The following SIPA1L3 variants were observed in gnomAD, a reference collection of about 807,000 sequenced individuals.
SIPA1L3 encodes the protein signal induced proliferation associated 1 like 3.
A neutral mutation model predicts 150.1 loss-of-function variants in SIPA1L3; 59 were observed. That is an observed-to-expected ratio of 0.39 (90% CI 0.32 to 0.49). SIPA1L3 has a LOEUF of 0.49. Ranked by LOEUF, SIPA1L3 falls within the 20% of genes least tolerant of loss-of-function variation. The pLI, the probability that SIPA1L3 is intolerant of heterozygous loss-of-function variation, is 0.86. For synonymous variants in SIPA1L3, 1,070 were observed against 1,077.6 expected, an observed-to-expected ratio of 0.99 and a Z score of 0.14; for missense variants, 2,211 against 2,489.5, an observed-to-expected ratio of 0.89 and a Z score of 2.38.
Position 38,082,143 on chromosome 19 carries a change from C to T in SIPA1L3, c.578C>T (p.Thr193Met), listed in dbSNP as rs1970003240. The change falls in exon 3 of 22, where the codon ACG (threonine) becomes ATG (methionine). Residue 193 changes from threonine to methionine, a missense_variant. Around this residue, in one of 5 missense-constraint regions of SIPA1L3, gnomAD observed 587 missense variants for 534.5 expected, o/e 1.10. Coordinates refer to ENST00000222345, the MANE Select transcript of SIPA1L3 (RefSeq NM_015073.3). Reference sequence around the variant, plus strand: ...GGGGAGCCGCGGGGGGCCCGGCACACGGGGGCGCTGCCCCTCTTCCGCGAG... The same window carrying T: ...GGGGAGCCGCGGGGGGCCCGGCACATGGGGGCGCTGCCCCTCTTCCGCGAG... ...DAGEPRGARH[T>M]GALPLFREYG... 2.5e-6 allele frequency: 4 copies of T among 1,605,904 alleles called. No individual in the cohort carries two copies. The highest frequency in any genetic ancestry group is 1.1e-5 in the South Asian group (1 of 91,026).
intron 12 of SIPA1L3, among the ~76,000 whole-genome samples, chr19:38,148,917 T>C (rs1971760057): frequency 1.3e-5 from 2 of 152,210 alleles, no homozygotes; most frequent in Non-Finnish European, 2.9e-5. Context: ...GACAGCAATT[T>C]GATCTTCTCT....
At chr19:38,120,880 T>C (rs985540974) in intron 9 of SIPA1L3, among the ~76,000 whole-genome samples, 6 of 152,230 alleles carry the variant, frequency 3.9e-5, no homozygotes, top group Non-Finnish European at 7.3e-5. Context: ...CGCCGTGCCA[T>C]GTGTGCTAAA....
rs1227142871 is a variant in SIPA1L3 at position 38,056,528 on chromosome 19, T to G, written c.-310-24728T>G. ...ACCCTGCTCCCATCCTTCGTCAGTTTACCCCTTCCTTCTCTTGCTTTAGAC... is the reference window on the plus strand; with the variant it reads ...ACCCTGCTCCCATCCTTCGTCAGTTGACCCCTTCCTTCTCTTGCTTTAGAC... On this transcript the variant is annotated intron_variant, in intron 2 of 21. Coordinates refer to ENST00000222345, the MANE Select transcript of SIPA1L3 (RefSeq NM_015073.3). Among the ~76,000 whole-genome samples, 3 of 152,332 alleles carry G rather than the reference T, an allele frequency of 2.0e-5. No homozygotes were observed. In the East Asian group the frequency reaches 5.8e-4, roughly 29 times the overall value.
intron 1 of SIPA1L3, among the ~76,000 whole-genome samples, chr19:37,947,208 G>A (rs2046719633): frequency 1.3e-5 from 2 of 149,390 alleles, no homozygotes; most frequent in African/African-American, 4.9e-5. Context: ...AAACAAATCC[G>A]TCCAGGCATG....
rs775650933 is a variant in SIPA1L3 at position 38,119,907 on chromosome 19, G to T, written c.2868+25G>T. 3.2e-6 allele frequency: 5 copies of T among 1,544,618 alleles called. No individual in the cohort carries two copies. The African/African-American group carries it at 4.1e-5, about 13-fold the overall frequency. On this transcript the variant is annotated intron_variant, in intron 9 of 21. Transcript: ENST00000222345. Reference sequence around the variant, plus strand: ...GGTAAGGGAGAGAGCCCGGCGATAGGGCGGCGATTTGTATGGTTTCGGCCT... The same window carrying T: ...GGTAAGGGAGAGAGCCCGGCGATAGTGCGGCGATTTGTATGGTTTCGGCCT...
chr19:38,043,160 T>C (rs974683368), intron 2 of SIPA1L3, among the ~76,000 whole-genome samples: 1 of 151,898 alleles, frequency 6.6e-6, no homozygotes, highest in Non-Finnish European at 1.5e-5. Context: ...GCCAACATGG[T>C]GAAACCCCAT....
At chr19:38,071,481 G>GT (rs1969722968) in intron 2 of SIPA1L3, among the ~76,000 whole-genome samples, 1 of 152,114 alleles carries the variant, frequency 6.6e-6, no homozygotes, top group African/African-American at 2.4e-5. Context: ...TGGACACGGG[G>GT]TTTTACCTTG....
intron 1 of SIPA1L3, among the ~76,000 whole-genome samples, chr19:37,922,308 G>A (rs2145484451): frequency 6.6e-6 from 1 of 152,108 alleles, no homozygotes; most frequent in Admixed American, 6.5e-5. Context: ...GGCTGGTCTT[G>A]AACTCCTGAT....
At chr19:38,158,579 C>T (rs1972002382) in intron 13 of SIPA1L3, among the ~76,000 whole-genome samples, 1 of 152,184 alleles carries the variant, frequency 6.6e-6, no homozygotes, top group Non-Finnish European at 1.5e-5. Flanking sequence ...CCCAGGAGCC[C>T]CTGGCTACAG....
intron 6 of SIPA1L3, among the ~76,000 whole-genome samples, chr19:38,104,568 GT>G (rs1192972081): frequency 6.6e-6 from 1 of 151,858 alleles, no homozygotes; most frequent in South Asian, 2.1e-4. Context: ...GTTAGTATTG[GT>G]TTTTTTGTTT....
Position 38,082,546 on chromosome 19 carries a change from C to G in SIPA1L3, c.981C>G (p.Pro327=). The G allele has an allele frequency of 6.2e-7, 1 of 1,602,044 alleles. No individual in the cohort carries two copies. ...GGGAGGCCGACGAGGGCCGGAGCCCCCCGGAAGCCAGCAGGCCGTGGGTGT... is the reference window on the plus strand; with the variant it reads ...GGGAGGCCGACGAGGGCCGGAGCCCGCCGGAAGCCAGCAGGCCGTGGGTGT... ...SPGEADEGRS[P]PEASRPWVCQ... The change falls in exon 3 of 22, where the codon CCC becomes CCG. Residue 327 remains proline (P), a synonymous_variant. Transcript: ENST00000222345.
chr19:37,977,226 G>A (rs1967097891), intron 1 of SIPA1L3, among the ~76,000 whole-genome samples: 1 of 152,006 alleles, frequency 6.6e-6, no homozygotes, highest in Admixed American at 6.6e-5. Flanking sequence ...GTGCAGTGGT[G>A]TGGTCTTGGC....
At position 38,151,887 on chromosome 19, in the gene SIPA1L3, G is replaced by A. The variant is rs1438346653; in HGVS notation, c.3534-953G>A. 2.6e-5 allele frequency among the ~76,000 whole-genome samples: 4 copies of A among 151,412 alleles called. No individual in the cohort carries two copies. The South Asian group carries it at 6.3e-4, about 24-fold the overall frequency. ...CTGAAGTGGGAGGATCGCTTGAGCCGGGAGGCGGAGGTTGCAGTGAGCTGA... is the reference window on the plus strand; with the variant it reads ...CTGAAGTGGGAGGATCGCTTGAGCCAGGAGGCGGAGGTTGCAGTGAGCTGA... On this transcript the variant is annotated intron_variant, in intron 12 of 21. Transcript: ENST00000222345.
At chr19:38,115,920 A>G (rs1970871294) in intron 8 of SIPA1L3, among the ~76,000 whole-genome samples, 1 of 152,182 alleles carries the variant, frequency 6.6e-6, no homozygotes, top group South Asian at 2.1e-4. Flanking sequence ...AAGAGCGTGG[A>G]GTCCAGGAAG....
chr19:37,986,741 C>T (rs574124588), intron 1 of SIPA1L3, among the ~76,000 whole-genome samples: 1 of 152,266 alleles, frequency 6.6e-6, no homozygotes, highest in East Asian at 1.9e-4. Context: ...TCCCCTCTTC[C>T]TGTGTAAAGG....
intron 1 of SIPA1L3, among the ~76,000 whole-genome samples, chr19:37,977,139 C>G (rs1013961273): frequency 4.6e-5 from 7 of 151,590 alleles, no homozygotes; most frequent in Non-Finnish European, 7.4e-5. Context: ...ACCCACCTAG[C>G]CTACCATTAT....
In SIPA1L3 at chr19:38,195,424, G is replaced by A. The variant is rs563467696; in HGVS notation, c.4840+1644G>A. ...CTGCTGTGGGCGGGGCTCTGCCCTC[G>A]GTGCCAGGATGTGGCCCTGAGCAAG... On this transcript the variant is annotated intron_variant, in intron 18 of 21. Transcript: ENST00000222345. 1.2e-4 allele frequency among the ~76,000 whole-genome samples: 19 copies of A among 152,242 alleles called. No individual in the cohort carries two copies. The East Asian group carries it at 3.5e-3, about 28-fold the overall frequency.
At chr19:38,110,466 C>A (rs1970713981) in intron 8 of SIPA1L3, 82 bp downstream of exon 8, 1 of 1,150,266 alleles carries the variant, frequency 8.7e-7, no homozygotes, top group South Asian at 1.4e-5. Context: ...GTACAGGGCC[C>A]CCCCACACCT....
intron 15 of SIPA1L3, among the ~76,000 whole-genome samples, chr19:38,170,216 C>T (rs1972296331): frequency 6.6e-6 from 1 of 152,146 alleles, no homozygotes. Context: ...AGACGGACTC[C>T]CACTGTCCAT....
Sources: gnomAD v4.1 joint callset for allele counts (sites outside exome capture counted in the v4.1 genomes callset) on GRCh38, gnomAD v4.1.1 for gene constraint, gnomAD v4.1.1 regional missense constraint, MANE v1.5 for transcripts, NCBI Gene and HGNC (gene_info 2026-07-23, HGNC 2026-07-21) for gene names.